SGMS1: variants seen among roughly 807,000 people sequenced by gnomAD.
SGMS1 encodes phosphatidylcholine:ceramide cholinephosphotransferase 1.
Under a neutral mutation model 46.2 loss-of-function variants are expected in SGMS1, and 13 were observed. The ratio of observed to expected loss-of-function variants is 0.28; its 90% CI spans 0.18 to 0.45. The LOEUF is 0.45. SGMS1 is among the 20% of genes least tolerant of loss of function. The pLI, the probability that SGMS1 is intolerant of heterozygous loss-of-function variation, is 1.00. For missense variants in SGMS1, 324 were observed against 519.9 expected (o/e 0.62, Z 3.66); for synonymous variants, 203 against 187.8 (o/e 1.08, Z -0.66).
rs1256417588 is a variant in SGMS1, at chr10:50,574,961, GTGTATATATA to G, written c.-589+15182_-589+15191del. 8.8e-5 allele frequency among the ~76,000 whole-genome samples: 4 copies of G among 45,294 alleles called. 1 individual carries two copies. In the Admixed American group the frequency reaches 9.0e-4, roughly 10 times the overall value. 29.7% of individuals were successfully genotyped at this position (45,294 alleles called of 152,430 possible). The stretch of plus-strand genomic sequence containing the variant: ...ATAAACATTTTAAAAGGAAAATGTG[GTGTATATATA>G]TATATATATATATAAAACAAAGTAT... On this transcript the variant is annotated intron_variant, in intron 2 of 10. Transcript: ENST00000361781.
rs114262047 is a variant in SGMS1, at chr10:50,433,960, A to T, written c.-312-404T>A. 1.7e-3 allele frequency among the ~76,000 whole-genome samples: 265 copies of T among 152,214 alleles called. 1 individual carries two copies. The highest frequency in any genetic ancestry group is 6.1e-3 in the African/African-American group (253 of 41,520). On this transcript the variant is annotated intron_variant, in intron 5 of 10. Transcript: ENST00000361781. ...CCTGGAAGGACTAAACGAGACACCA[A>T]ATGATTTCTTGGCCCTGCTCTGAGC...
At chr10:50,520,003 A>G (rs1837843839) in intron 2 of SGMS1, 82 bp from the exon 3 acceptor site, 1 of 152,230 alleles carries the variant, frequency 6.6e-6, no homozygotes, top group Non-Finnish European at 1.5e-5. Flanking sequence ...ACTCTCTCAT[A>G]TAATCAAATC....
intron 8 of SGMS1, among the ~76,000 whole-genome samples, chr10:50,316,403 C>T (rs569826233): frequency 6.6e-6 from 1 of 152,262 alleles, no homozygotes; most frequent in East Asian, 1.9e-4. Flanking sequence ...GTGTTGGAGC[C>T]GAGCCTAGAA....
At chr10:50,332,459 T>C (rs544880475) in intron 7 of SGMS1, among the ~76,000 whole-genome samples, 10 of 152,112 alleles carry the variant, frequency 6.6e-5, no homozygotes. Context: ...ACCCCCACAT[T>C]CCCATATTCT....
At chr10:50,514,490 C>T (rs1588860375) in intron 3 of SGMS1, among the ~76,000 whole-genome samples, 2 of 152,246 alleles carry the variant, frequency 1.3e-5, no homozygotes, top group Middle Eastern at 3.4e-3. Context: ...ATAGGGCCCA[C>T]CTGGACAATT....
At chr10:50,450,934 T>G (rs1837100695) in intron 5 of SGMS1, among the ~76,000 whole-genome samples, 1 of 151,982 alleles carries the variant, frequency 6.6e-6, no homozygotes, top group Admixed American at 6.6e-5. Context: ...AAGAAAACTC[T>G]AGGAGAATTT....
intron 6 of SGMS1, among the ~76,000 whole-genome samples, chr10:50,398,714 T>C (rs1469203431): frequency 6.6e-6 from 1 of 152,122 alleles, no homozygotes; most frequent in African/African-American, 2.4e-5. Context: ...CCAAACAAGC[T>C]TAACAGTTCT....
chr10:50,480,178 A>G (rs74488289), intron 3 of SGMS1, among the ~76,000 whole-genome samples: 2,006 of 152,204 alleles, frequency 0.013, 53 homozygotes, highest in African/African-American at 0.045. Context: ...ACCTCACAGG[A>G]GAGTACCTCA....
At chr10:50,581,182 G>A (rs570868645) in intron 2 of SGMS1, among the ~76,000 whole-genome samples, 4 of 152,308 alleles carry the variant, frequency 2.6e-5, no homozygotes, top group East Asian at 1.9e-4. Flanking sequence ...TGTAAGGAGC[G>A]GGGAGTTATG....
chr10:50,520,288 G>C (rs2133787756), intron 2 of SGMS1, among the ~76,000 whole-genome samples: 1 of 152,132 alleles, frequency 6.6e-6, no homozygotes, highest in African/African-American at 2.4e-5. Context: ...TACTCGGTAG[G>C]CTCAGGTAAA....
chr10:50,577,113 C>G (rs1838392036), intron 2 of SGMS1, among the ~76,000 whole-genome samples: 1 of 152,150 alleles, frequency 6.6e-6, no homozygotes, highest in Non-Finnish European at 1.5e-5. Flanking sequence ...TCAGAGGAGT[C>G]TTTTGGAAGA....
intron 2 of SGMS1, among the ~76,000 whole-genome samples, chr10:50,564,613 A>T (rs1286107415): frequency 2.0e-5 from 3 of 152,224 alleles, no homozygotes; most frequent in African/African-American, 4.8e-5. Context: ...GTGGTAGTTA[A>T]TGTGGCACTT....
chr10:50,371,907 C>T (rs1848441033), intron 6 of SGMS1, among the ~76,000 whole-genome samples: 3 of 152,166 alleles, frequency 2.0e-5, no homozygotes, highest in Admixed American at 2.0e-4. Flanking sequence ...TGGCATTAAT[C>T]CATTCATGAA....
intron 2 of SGMS1, among the ~76,000 whole-genome samples, chr10:50,568,643 A>C (rs1838310571): frequency 6.6e-6 from 1 of 152,190 alleles, no homozygotes; most frequent in Non-Finnish European, 1.5e-5. Flanking sequence ...GTTCCAGAAG[A>C]GCCTGGGAAA....
At chr10:50,502,391 G>A (rs1466531577) in intron 3 of SGMS1, among the ~76,000 whole-genome samples, 1 of 151,628 alleles carries the variant, frequency 6.6e-6, no homozygotes, top group African/African-American at 2.4e-5. Context: ...GAGCTTCCGA[G>A]GGAAGTAAGG....
intron 2 of SGMS1, among the ~76,000 whole-genome samples, chr10:50,535,543 T>A (rs1055321913): frequency 6.6e-6 from 1 of 152,076 alleles, no homozygotes; most frequent in African/African-American, 2.4e-5. Flanking sequence ...CTAATTTTTG[T>A]ATTTTGAGTA....
chr10:50,327,478 A>G (rs1299538927), intron 7 of SGMS1, among the ~76,000 whole-genome samples, 156 bp from the exon 8 acceptor site: 1 of 152,246 alleles, frequency 6.6e-6, no homozygotes, highest in Non-Finnish European at 1.5e-5. Flanking sequence ...AGATTAAGAC[A>G]AAGATTTTGA....
chr10:50,399,714 G>A (rs1175010006), intron 6 of SGMS1, among the ~76,000 whole-genome samples: 1 of 152,102 alleles, frequency 6.6e-6, no homozygotes, highest in Admixed American at 6.5e-5. Flanking sequence ...AGGGTCAGGG[G>A]GAGAGAACTT....
intron 2 of SGMS1, among the ~76,000 whole-genome samples, chr10:50,564,073 C>G (rs973877616): frequency 2.6e-5 from 4 of 152,232 alleles, no homozygotes; most frequent in African/African-American, 9.7e-5. Context: ...CACCCTTGCA[C>G]CTAAACACAT....
Sources: gnomAD v4.1 joint callset for allele counts (sites outside exome capture counted in the v4.1 genomes callset) on GRCh38, gnomAD v4.1.1 for gene constraint, MANE v1.5 for transcripts, NCBI Gene and HGNC (gene_info 2026-07-23, HGNC 2026-07-21) for gene names.